APAF1: variants seen among roughly 807,000 people sequenced by gnomAD.
APAF1 encodes apoptotic peptidase activating factor 1.
A neutral mutation model predicts 152.4 loss-of-function variants in APAF1; 91 were observed. The ratio of observed to expected loss-of-function variants is 0.60; its 90% CI spans 0.50 to 0.71. The LOEUF (loss-of-function observed/expected upper bound fraction) is 0.71, where lower values mean the gene tolerates loss of function less well. Ranked by LOEUF, APAF1 falls within the 30% of genes least tolerant of loss-of-function variation. The pLI is 0.00. For missense variants in APAF1, 1,283 were observed against 1,472.0 expected (o/e 0.87, Z 2.10); for synonymous variants, 484 against 494.1 (o/e 0.98, Z 0.27).
intron 12 of APAF1, among the ~76,000 whole-genome samples, chr12:98,675,171 G>T (rs1198011196): frequency 2.6e-5 from 4 of 152,054 alleles, no homozygotes; most frequent in African/African-American, 9.7e-5. Context: ...AACTTTTTTG[G>T]TGTTTACTAT....
At chr12:98,696,677 T>C (rs2097710306) in intron 16 of APAF1, among the ~76,000 whole-genome samples, 1 of 152,096 alleles carries the variant, frequency 6.6e-6, no homozygotes. Flanking sequence ...TTGTTTGTTT[T>C]TAGAGACGGG....
At chr12:98,680,956 T>C (rs1441907207) in intron 14 of APAF1, among the ~76,000 whole-genome samples, 12 of 152,242 alleles carry the variant, frequency 7.9e-5, no homozygotes, top group African/African-American at 2.4e-4. Flanking sequence ...TTTTTTAATT[T>C]GCTTATGAAC....
intron 24 of APAF1, among the ~76,000 whole-genome samples, chr12:98,725,072 G>C (rs1234115838): frequency 6.6e-6 from 1 of 152,190 alleles, no homozygotes; most frequent in Non-Finnish European, 1.5e-5. Context: ...GCTTATATGA[G>C]TTGTCCTAGT....
chr12:98,693,417 T>C (rs1429912763), intron 16 of APAF1, among the ~76,000 whole-genome samples: 1 of 152,218 alleles, frequency 6.6e-6, no homozygotes, highest in Non-Finnish European at 1.5e-5. Context: ...ACATTGATTT[T>C]GATTAGAACA....
chr12:98,656,018 T>A (rs555113837), intron 4 of APAF1, among the ~76,000 whole-genome samples: 31 of 152,006 alleles, frequency 2.0e-4, no homozygotes, highest in African/African-American at 7.0e-4. Flanking sequence ...CTCCTGACCT[T>A]GTGATCCGCC....
intron 26 of APAF1, among the ~76,000 whole-genome samples, chr12:98,728,064 C>T (rs1016972491): frequency 4.0e-5 from 6 of 151,824 alleles, no homozygotes; most frequent in Non-Finnish European, 8.8e-5. Context: ...AACTGAGATC[C>T]ACAAGACTGC....
Position 98,649,498 on chromosome 12 carries a change from C to G in APAF1, c.340C>G (p.Leu114Val). The G allele has an allele frequency of 6.2e-7, 1 of 1,614,026 alleles. No individual in the cohort carries two copies. The highest frequency in any genetic ancestry group is 8.5e-7 in the Non-Finnish European group (1 of 1,179,968). ...GTTTTGGATTTTAGTAAGGACAGTC[C>G]TGTGTGAAGGTGGAGTACCACAGAG... is the stretch of plus-strand genomic sequence containing the variant. ...SGITSYVRTVLCEGGVPQRPV... is the reference protein window; with the variant it reads ...SGITSYVRTVVCEGGVPQRPV... The change falls in exon 4 of 27, where the codon CTG becomes GTG. Residue 114 changes from leucine to valine, a missense_variant. Coordinates refer to ENST00000551964, the MANE Select transcript of APAF1 (RefSeq NM_181861.2).
At chr12:98,708,058 T>C (rs2097723728) in intron 19 of APAF1, among the ~76,000 whole-genome samples, 1 of 152,222 alleles carries the variant, frequency 6.6e-6, no homozygotes, top group African/African-American at 2.4e-5. Context: ...GCAATTCTCC[T>C]GTCTCAGCCT....
intron 25 of APAF1, among the ~76,000 whole-genome samples, chr12:98,726,031 C>G (rs1219943966): frequency 6.6e-6 from 1 of 152,142 alleles, no homozygotes; most frequent in Non-Finnish European, 1.5e-5. Flanking sequence ...TTAAACAGTG[C>G]AGAGGTTCAC....
intron 4 of APAF1, among the ~76,000 whole-genome samples, chr12:98,657,480 T>C (rs1005927861): frequency 3.9e-5 from 6 of 152,198 alleles, no homozygotes; most frequent in African/African-American, 1.4e-4. Context: ...ATCCTTTCCT[T>C]GACCTTGTGC....
chr12:98,703,443 G>A lies in APAF1; in HGVS notation c.2539G>A (p.Asp847Asn), dbSNP rs552696308. Residue 847 changes from aspartate to asparagine, a missense_variant, in exon 18 of 27, where the codon GAC (aspartate) becomes AAC (asparagine). Transcript: ENST00000551964. ...TGHHSTIQYCDFSPQNHLAVV... is the reference protein window; with the variant it reads ...TGHHSTIQYCNFSPQNHLAVV... The stretch of plus-strand genomic sequence containing the variant: ...CCATCACAGCACCATCCAGTACTGT[G>A]ACTTCTCCCCACAAAACCATTTGGC... 2 of 1,614,148 alleles carry A rather than the reference G, an allele frequency of 1.2e-6. No homozygotes were observed. The highest frequency in any genetic ancestry group is 1.7e-5 in the Admixed American group (1 of 60,020).
intron 8 of APAF1, 25 bp downstream of exon 8, chr12:98,665,816 A>G: frequency 1.3e-6 from 2 of 1,534,698 alleles, no homozygotes; most frequent in Non-Finnish European, 1.8e-6. Flanking sequence ...GATCCTCATC[A>G]TTGGGTATTT....
chr12:98,734,983 C>T lies in APAF1; in HGVS notation c.*2417C>T, dbSNP rs911988109. The T allele has an allele frequency of 2.3e-5, 9 of 385,388 alleles. No individual in the cohort carries two copies. The highest frequency in any genetic ancestry group is 6.2e-5 in the African/African-American group (3 of 48,332). 23.9% of individuals were successfully genotyped at this position (385,388 alleles called of 1,614,324 possible). On this transcript the variant is annotated 3_prime_UTR_variant, in exon 27 of 27. Coordinates refer to ENST00000551964, the MANE Select transcript of APAF1 (RefSeq NM_181861.2). ...AAATTAGGAGCCAGGTGCGGTGGCA[C>T]GTGCCTGTAATCCCAGCTCCTTGGG...
At chr12:98,720,124 C>T (rs778242420) in intron 22 of APAF1, among the ~76,000 whole-genome samples, 2 of 152,162 alleles carry the variant, frequency 1.3e-5, no homozygotes. Context: ...TCTTTTGAGA[C>T]ATTGTATACT....
chr12:98,704,552 A>G (rs1324093208), intron 18 of APAF1, among the ~76,000 whole-genome samples: 5 of 152,152 alleles, frequency 3.3e-5, no homozygotes, highest in Non-Finnish European at 5.9e-5. Context: ...TAGCCCTTCA[A>G]CATAGAGGCA....
At chr12:98,692,409 T>A (rs1251399380) in intron 16 of APAF1, among the ~76,000 whole-genome samples, 16 of 152,148 alleles carry the variant, frequency 1.1e-4, no homozygotes, top group East Asian at 9.7e-4. Flanking sequence ...AAAAAAAAAA[T>A]TTCAACTTTT....
At chr12:98,708,740 T>C (rs1278930119) in intron 20 of APAF1, 36 bp downstream of exon 20, 9 of 1,604,726 alleles carry the variant, frequency 5.6e-6, no homozygotes, top group Non-Finnish European at 7.7e-6. Flanking sequence ...GAAAATTGTT[T>C]TGGTTGAATT....
intron 14 of APAF1, among the ~76,000 whole-genome samples, chr12:98,681,978 C>T (rs1046540122): frequency 1.3e-5 from 2 of 149,044 alleles, no homozygotes; most frequent in Admixed American, 1.3e-4. Flanking sequence ...TAATTTATTT[C>T]TTTTGTTTGT....
At chr12:98,710,027 C>T (rs1332530591) in intron 20 of APAF1, among the ~76,000 whole-genome samples, 2 of 152,118 alleles carry the variant, frequency 1.3e-5, no homozygotes, top group African/African-American at 2.4e-5. Flanking sequence ...ATGTGTGCTA[C>T]CACGCATGGC....
Sources: gnomAD v4.1 joint callset for allele counts (sites outside exome capture counted in the v4.1 genomes callset) on GRCh38, gnomAD v4.1.1 for gene constraint, MANE v1.5 for transcripts, NCBI Gene and HGNC (gene_info 2026-07-23, HGNC 2026-07-21) for gene names.